C17orf99: variants seen among roughly 807,000 people sequenced by gnomAD.
C17orf99 encodes the protein chromosome 17 open reading frame 99.
In C17orf99, 18 loss-of-function variants were observed where a neutral mutation model predicts 22.6. The observed-to-expected ratio is 0.80, with a 90% CI of 0.55 to 1.18. C17orf99 has a LOEUF of 1.18. C17orf99 is among the 50% of genes most tolerant of loss of function. The probability of loss-of-function intolerance (pLI) is 0.00; values close to 1 mark genes in which losing one functional copy is unlikely to be tolerated. For synonymous variants in C17orf99, 147 were observed against 136.6 expected (o/e 1.08, Z -0.53); for missense variants, 328 against 342.7 (o/e 0.96, Z 0.34).
chr17:78,150,566 G>A (rs1250148623), intron 2 of C17orf99, among the ~76,000 whole-genome samples: 1 of 152,190 alleles, frequency 6.6e-6, no homozygotes, highest in African/African-American at 2.4e-5. Flanking sequence ...AGAGTGGAAT[G>A]TATCTGAAGA....
intron 2 of C17orf99, among the ~76,000 whole-genome samples, chr17:78,155,124 ATTTTTTT>A (rs771330920): frequency 9.6e-6 from 1 of 104,626 alleles, no homozygotes; most frequent in Admixed American, 9.8e-5. Flanking sequence ...AGCAACCCCT[ATTTTTTT>A]TTTTTTTTTT....
At chr17:78,147,005 GT>G in intron 2 of C17orf99, 94 bp downstream of exon 2, 1 of 1,067,144 alleles carries the variant, frequency 9.4e-7, no homozygotes, top group Non-Finnish European at 1.4e-6. Flanking sequence ...TGGGAAGGGA[GT>G]TACTAGTGGG....
chr17:78,161,928 G>C (rs1372570233), intron 3 of C17orf99, among the ~76,000 whole-genome samples: 1 of 151,854 alleles, frequency 6.6e-6, no homozygotes, highest in African/African-American at 2.4e-5. Flanking sequence ...CAGGGGTGGG[G>C]TCTGAGCCTC....
At chr17:78,163,081 A>G (rs2075590499) in intron 3 of C17orf99, among the ~76,000 whole-genome samples, 1 of 152,206 alleles carries the variant, frequency 6.6e-6, no homozygotes, top group Non-Finnish European at 1.5e-5. Context: ...CACTGCACCC[A>G]GCCAATAGCA....
Position 78,146,704 on chromosome 17 carries a change from G to C in C17orf99, c.38-175G>C. ...ATGGGCGGATGAGAGGCGATGTTGT[G>C]GGGGGAGGGGCGCAAAAGAGCTTTT... On this transcript the variant is annotated intron_variant, in intron 1 of 4. Coordinates refer to ENST00000340363, the MANE Select transcript of C17orf99 (RefSeq NM_001163075.2). The surrounding 1 kb of genome is among the most constrained non-coding windows in gnomAD (Gnocchi z 5.2). 1.5e-6 allele frequency: 1 copy of C among 681,226 alleles called. No individual in the cohort carries two copies. The highest frequency in any genetic ancestry group is 2.6e-6 in the Non-Finnish European group (1 of 390,074). 42.2% of individuals were successfully genotyped at this position (681,226 alleles called of 1,614,324 possible). A position where few individuals can be genotyped will look rare whatever the true frequency, so the allele number is the denominator to read the frequency against.
rs200813163 is a variant in C17orf99, at chr17:78,160,547, A to AAAG, written c.71-407_71-406insAGA. Among the ~76,000 whole-genome samples the AAAG allele has an allele frequency of 8.9e-4, 127 of 143,468 alleles. 1 individual carries two copies. Among genetic ancestry groups the AAAG allele is most frequent in the East Asian group, 2.2e-3 (10 of 4,574 alleles). 94.1% of individuals were successfully genotyped at this position (143,468 alleles called of 152,430 possible). A position where few individuals can be genotyped will look rare whatever the true frequency, so the allele number is the denominator to read the frequency against. ...CAAGACTCCATCTAAAAAAAAAAAA[A>AAAG]AGAGAGAGAGAGAGAGAACATGCTA... On this transcript the variant is annotated intron_variant, in intron 2 of 4. Transcript: ENST00000340363.
intron 2 of C17orf99, 39 bp from the exon 3 acceptor site, chr17:78,160,916 C>A (rs960873528): frequency 2.0e-6 from 3 of 1,498,522 alleles, no homozygotes; most frequent in South Asian, 2.5e-5. Flanking sequence ...TGATCAATGT[C>A]GGTTTCTTTC....
chr17:78,155,868 C>T (rs2075521261), intron 2 of C17orf99, among the ~76,000 whole-genome samples: 1 of 151,498 alleles, frequency 6.6e-6, no homozygotes, highest in Non-Finnish European at 1.5e-5. Flanking sequence ...CTCAGGTGAT[C>T]CACCTGCCTC....
intron 2 of C17orf99, among the ~76,000 whole-genome samples, chr17:78,155,876 C>T (rs1456673938): frequency 6.6e-6 from 1 of 151,758 alleles, no homozygotes; most frequent in Non-Finnish European, 1.5e-5. Context: ...ATCCACCTGC[C>T]TCGGCCTCAC....
At chr17:78,155,786 C>T (rs1341910726) in intron 2 of C17orf99, among the ~76,000 whole-genome samples, 1 of 151,688 alleles carries the variant, frequency 6.6e-6, no homozygotes, top group Non-Finnish European at 1.5e-5. Flanking sequence ...ACCACCATGC[C>T]CAGATAATTT....
intron 4 of C17orf99, chr17:78,165,601 G>A (rs2075611465): frequency 1.0e-6 from 1 of 967,068 alleles, no homozygotes; most frequent in Non-Finnish European, 1.2e-6. Context: ...TCAGGAGTTC[G>A]AGACCAGCCT....
At chr17:78,157,798 G>GAA (rs60891763) in intron 2 of C17orf99, 4,057 of 380,944 alleles carry the variant, frequency 0.011, no homozygotes, top group South Asian at 0.015. Flanking sequence ...CTCTGTCTCG[G>GAA]AAAAAAAAAA....
intron 4 of C17orf99, 52 bp downstream of exon 4, chr17:78,164,416 A>C (rs1344571694): frequency 6.4e-7 from 1 of 1,550,668 alleles, no homozygotes; most frequent in South Asian, 1.2e-5. Flanking sequence ...CTGTGCCGGG[A>C]GGGTGCTAGT....
In C17orf99 at chr17:78,148,832, T is replaced by G. The variant is rs149838437; in HGVS notation, c.70+1921T>G. On this transcript the variant is annotated intron_variant, in intron 2 of 4. Transcript: ENST00000340363. ...GAGGTTTGGAGGGGAAAACGCAATC[T>G]GATTTACCCTTGGCCGAGGTCATTT... 5.3e-3 allele frequency among the ~76,000 whole-genome samples: 806 copies of G among 152,244 alleles called. 4 individuals are homozygous for G. The highest frequency in any genetic ancestry group is 0.019 in the South Asian group (93 of 4,822).
Position 78,166,130 on chromosome 17 carries a change from G to C in C17orf99, c.*84G>C, listed in dbSNP as rs2075615828. The C allele has an allele frequency of 1.1e-5, 3 of 278,450 alleles. No individual in the cohort carries two copies. The South Asian group carries it at 5.7e-4, about 53-fold the overall frequency. 17.2% of individuals were successfully genotyped at this position (278,450 alleles called of 1,614,324 possible). On this transcript the variant is annotated 3_prime_UTR_variant, in exon 5 of 5. Transcript: ENST00000340363. The stretch of plus-strand genomic sequence containing the variant: ...TTCGTATTTGGAGTTCATGCAAAAT[G>C]AGTGTGTTTTAGCTGCTCTTGCCAC...
intron 2 of C17orf99, among the ~76,000 whole-genome samples, chr17:78,152,430 G>A (rs754341474): frequency 1.6e-4 from 25 of 151,816 alleles, no homozygotes; most frequent in Middle Eastern, 3.4e-3. Context: ...CACCTTCCAG[G>A]TTCAAGAGAT....
intron 2 of C17orf99, among the ~76,000 whole-genome samples, chr17:78,150,664 A>G (rs943947386): frequency 6.6e-6 from 1 of 152,178 alleles, no homozygotes; most frequent in Non-Finnish European, 1.5e-5. Flanking sequence ...TCCTAGCCCC[A>G]TGACATGAAG....
chr17:78,146,765 C>A lies in C17orf99; in HGVS notation c.38-114C>A. 2.8e-6 allele frequency: 3 copies of A among 1,057,536 alleles called. No individual in the cohort carries two copies. The highest frequency in any genetic ancestry group is 4.3e-6 in the Non-Finnish European group (3 of 705,306). 65.5% of individuals were successfully genotyped at this position (1,057,536 alleles called of 1,614,324 possible). On this transcript the variant is annotated intron_variant, in intron 1 of 4. Coordinates refer to ENST00000340363, the MANE Select transcript of C17orf99 (RefSeq NM_001163075.2). This position sits in a 1 kb window ranked among gnomAD's most constrained non-coding sequence, Gnocchi z 5.2. ...GTGCCAGCTGAGTCCTGGGGCCTCA[C>A]TACCAAGAATCAGCCTGCTCCTCCC... is the stretch of plus-strand genomic sequence containing the variant.
chr17:78,146,139 A>T (rs1310193289), upstream of C17orf99, among the ~76,000 whole-genome samples: 5 of 152,152 alleles, frequency 3.3e-5, no homozygotes, highest in Non-Finnish European at 7.3e-5. The surrounding 1 kb of genome is among the most constrained non-coding windows in gnomAD (Gnocchi z 5.2). Context: ...TGCGGCTCAG[A>T]GGTGACTGCT....
Sources: allele counts gnomAD v4.1 joint callset (sites outside exome capture counted in the v4.1 genomes callset), GRCh38; gene constraint gnomAD v4.1.1; non-coding constraint Gnocchi (gnomAD v3.1); transcripts MANE v1.5; gene names NCBI Gene and HGNC (gene_info 2026-07-23, HGNC 2026-07-21).